The following MED27 variants were observed in gnomAD, a reference collection of about 807,000 sequenced individuals.
MED27 encodes mediator complex subunit 27, also known as mediator of RNA polymerase II transcription subunit 27.
A neutral mutation model predicts 38.2 loss-of-function variants in MED27; 30 were observed. That is an observed-to-expected ratio of 0.79 (90% CI 0.59 to 1.07). The LOEUF is 1.07. MED27 is among the 50% of genes least tolerant of loss of function. MED27 has a pLI of 0.00. For synonymous variants in MED27, 122 were observed against 153.5 expected, an observed-to-expected ratio of 0.79 and a Z score of 1.52; for missense variants, 289 against 397.5, an observed-to-expected ratio of 0.73 and a Z score of 2.32.
intron 4 of MED27, among the ~76,000 whole-genome samples, chr9:131,914,611 CAAAT>C (rs1830254086): frequency 1.3e-5 from 2 of 152,164 alleles, no homozygotes; most frequent in Admixed American, 1.3e-4. Context: ...AAACAAGAAA[CAAAT>C]AACATGGGGA....
chr9:132,029,427 A>G (rs1228685124), intron 2 of MED27, among the ~76,000 whole-genome samples: 1 of 149,338 alleles, frequency 6.7e-6, no homozygotes, highest in African/African-American at 2.5e-5. Context: ...CTTTTTCCAC[A>G]GCACTGCACA....
chr9:131,918,267 A>G (rs1274786263), intron 4 of MED27, among the ~76,000 whole-genome samples: 12 of 152,194 alleles, frequency 7.9e-5, no homozygotes. Flanking sequence ...CATTTTTGAA[A>G]AAGGGGGACA....
chr9:132,074,914 C>T (rs1014789218), intron 2 of MED27, among the ~76,000 whole-genome samples: 2 of 152,196 alleles, frequency 1.3e-5, no homozygotes, highest in African/African-American at 4.8e-5. Context: ...GGCTGCCTAG[C>T]GCCAGAACAG....
intron 4 of MED27, among the ~76,000 whole-genome samples, chr9:131,936,528 G>A (rs1830688949): frequency 6.6e-6 from 1 of 152,192 alleles, no homozygotes; most frequent in Non-Finnish European, 1.5e-5. Context: ...CCCATCCTCT[G>A]GGCTCAGGGC....
At chr9:132,018,032 C>T (rs1033481313) in intron 2 of MED27, among the ~76,000 whole-genome samples, 43 of 152,192 alleles carry the variant, frequency 2.8e-4, no homozygotes, top group Admixed American at 2.6e-3. Flanking sequence ...AACCAGCAGC[C>T]TCTTTGGAAA....
chr9:131,946,244 C>T (rs117729136), intron 3 of MED27, among the ~76,000 whole-genome samples: 1,969 of 152,318 alleles, frequency 0.013, 16 homozygotes, highest in Middle Eastern at 0.034. Context: ...ACACTGACTT[C>T]ATTCCTATGG....
intron 2 of MED27, among the ~76,000 whole-genome samples, chr9:132,039,223 T>A (rs1021781826): frequency 1.3e-5 from 2 of 152,172 alleles, no homozygotes; most frequent in African/African-American, 4.8e-5. Context: ...AGTTTAACTT[T>A]ATCATCAAAC....
chr9:132,055,264 C>T (rs1407180816), intron 2 of MED27, among the ~76,000 whole-genome samples: 1 of 152,168 alleles, frequency 6.6e-6, no homozygotes, highest in Non-Finnish European at 1.5e-5. Context: ...GTTATGCCCC[C>T]AATATTTCCT....
intron 2 of MED27, among the ~76,000 whole-genome samples, chr9:132,040,185 T>A (rs922069507): frequency 1.3e-5 from 2 of 152,226 alleles, no homozygotes; most frequent in African/African-American, 4.8e-5. Context: ...AGTCCCCGCA[T>A]ATGGGCTGCC....
intron 2 of MED27, chr9:132,073,580 A>C: frequency 1.4e-6 from 2 of 1,395,820 alleles, no homozygotes; most frequent in Non-Finnish European, 1.8e-6. Flanking sequence ...CATGATGCAA[A>C]AACAGAAAAG....
rs1030436401 is a variant in MED27, at chr9:131,861,321, C to T, written c.802-649G>A. On this transcript the variant is annotated intron_variant, in intron 7 of 7. Transcript: ENST00000292035. This position sits in a 1 kb window ranked among gnomAD's most constrained non-coding sequence, Gnocchi z 4.4. ...AGGATGAGCCTCCCGTAACTCAATTCTCAAACACAAGGAGATTCACTACCA... is the reference window on the plus strand; with the variant it reads ...AGGATGAGCCTCCCGTAACTCAATTTTCAAACACAAGGAGATTCACTACCA... Among the ~76,000 whole-genome samples, 4 of 152,142 alleles carry T rather than the reference C, an allele frequency of 2.6e-5. No individual in the cohort carries two copies. Among genetic ancestry groups the T allele is most frequent in the Non-Finnish European group, 5.9e-5 (4 of 68,034 alleles).
Position 131,890,966 on chromosome 9 carries a change from T to C in MED27, c.681+2919A>G, listed in dbSNP as rs562576134. Among the ~76,000 whole-genome samples the C allele has an allele frequency of 9.8e-5, 15 of 152,366 alleles. No individual in the cohort carries two copies. The Middle Eastern group carries it at 0.01, about 104-fold the overall frequency. On this transcript the variant is annotated intron_variant, in intron 5 of 7. Coordinates refer to ENST00000292035, the MANE Select transcript of MED27 (RefSeq NM_004269.4). ...AAGATGGACATGTAAATAATCATGA[T>C]GCACCAATTCTAGTACTAGGAAAAG... is the stretch of plus-strand genomic sequence containing the variant.
intron 3 of MED27, among the ~76,000 whole-genome samples, chr9:131,959,703 C>T (rs569280900): frequency 2.0e-5 from 3 of 152,266 alleles, no homozygotes; most frequent in African/African-American, 7.2e-5. Flanking sequence ...ATGGTACATA[C>T]GGTAATTATT....
intron 6 of MED27, among the ~76,000 whole-genome samples, chr9:131,873,222 G>GT (rs1370334341): frequency 6.6e-6 from 1 of 152,206 alleles, no homozygotes; most frequent in Non-Finnish European, 1.5e-5. Context: ...TGTGTTAAAT[G>GT]TTTAAAGAGA....
chr9:131,862,351 T>A lies in MED27; in HGVS notation c.801+712A>T, dbSNP rs937817550. Among the ~76,000 whole-genome samples, 1 of 151,978 alleles carries A rather than the reference T, an allele frequency of 6.6e-6. No individual in the cohort carries two copies. The highest frequency in any genetic ancestry group is 2.4e-5 in the African/African-American group (1 of 41,310). ...GCTGGCGTGAGAGCATGCGGCCGTG[T>A]GAGCATGCTGGCGTGAGAGCATGAC... On this transcript the variant is annotated intron_variant, in intron 7 of 7. Coordinates refer to ENST00000292035, the MANE Select transcript of MED27 (RefSeq NM_004269.4). This position sits in a 1 kb window ranked among gnomAD's most constrained non-coding sequence, Gnocchi z 4.6.
chr9:132,023,671 C>T (rs1363793148), intron 2 of MED27, among the ~76,000 whole-genome samples: 1 of 152,016 alleles, frequency 6.6e-6, no homozygotes, highest in Non-Finnish European at 1.5e-5. Context: ...TCCCTGCTTA[C>T]TGGGGATATA....
At chr9:131,919,093 T>C (rs1033305009) in intron 4 of MED27, among the ~76,000 whole-genome samples, 1 of 152,008 alleles carries the variant, frequency 6.6e-6, no homozygotes, top group African/African-American at 2.4e-5. Context: ...AATAGCAATT[T>C]CAAGAGTAGG....
chr9:131,968,927 G>A (rs770451047), intron 3 of MED27, among the ~76,000 whole-genome samples: 4 of 152,142 alleles, frequency 2.6e-5, no homozygotes, highest in East Asian at 3.8e-4. Context: ...TGTGAACTGC[G>A]CATGCGAGGG....
intron 4 of MED27, among the ~76,000 whole-genome samples, chr9:131,923,312 C>T (rs1830429750): frequency 6.6e-6 from 1 of 152,192 alleles, no homozygotes; most frequent in Non-Finnish European, 1.5e-5. Flanking sequence ...AAACTTGGCT[C>T]CCATTATCCA....
Sources: allele counts gnomAD v4.1 joint callset (sites outside exome capture counted in the v4.1 genomes callset), GRCh38; gene constraint gnomAD v4.1.1; non-coding constraint Gnocchi (gnomAD v3.1); transcripts MANE v1.5; gene names NCBI Gene and HGNC (gene_info 2026-07-23, HGNC 2026-07-21).